SPNS1: variants seen among roughly 807,000 people sequenced by gnomAD.
The protein encoded by SPNS1 is SPNS lysolipid transporter 1, lysophospholipid.
In SPNS1, 22 loss-of-function variants were observed where a neutral mutation model predicts 50.3. That is an observed-to-expected ratio of 0.44 (90% CI 0.31 to 0.62). SPNS1 has a LOEUF of 0.62. Ranked by LOEUF, SPNS1 falls within the 20% of genes least tolerant of loss-of-function variation. SPNS1 has a pLI of 0.07. For synonymous variants in SPNS1, 295 were observed against 317.4 expected (o/e 0.93, Z 0.75); for missense variants, 576 against 728.6 (o/e 0.79, Z 2.41).
chr16:28,977,995 T>C lies in SPNS1; in HGVS notation c.395T>C (p.Ile132Thr). 1 of 1,613,872 alleles carries C rather than the reference T, an allele frequency of 6.2e-7. No individual in the cohort carries two copies. The highest frequency in any genetic ancestry group is 8.5e-7 in the Non-Finnish European group (1 of 1,179,890). Residue 132 changes from isoleucine to threonine, a missense_variant, in exon 3 of 12, where the codon ATT becomes ACT. Physicochemically the swap from Ile to Thr is moderately conservative, Grantham distance 89. Coordinates refer to ENST00000311008, the MANE Select transcript of SPNS1 (RefSeq NM_032038.3). ...CGGAAGTATCTCATGTGCGGGGGCATTGCCTTCTGGTCCCTGGTGACACTG... is the reference window on the plus strand; with the variant it reads ...CGGAAGTATCTCATGTGCGGGGGCACTGCCTTCTGGTCCCTGGTGACACTG... Reference protein sequence around the residue: ...YNRKYLMCGGIAFWSLVTLGS... With the variant: ...YNRKYLMCGGTAFWSLVTLGS...
At chr16:28,978,430 C>A (rs773803533) in intron 3 of SPNS1, 5 of 186,470 alleles carry the variant, frequency 2.7e-5, no homozygotes, top group African/African-American at 9.3e-5. Flanking sequence ...CACTTCCTCA[C>A]GCCTGCTCAC....
chr16:28,976,089 T>C (rs1309962431), intron 2 of SPNS1, among the ~76,000 whole-genome samples: 1 of 152,062 alleles, frequency 6.6e-6, no homozygotes, highest in East Asian at 1.9e-4. Context: ...CTGGTCAACA[T>C]GACGAAACCC....
intron 7 of SPNS1, 130 bp from the exon 8 acceptor site, chr16:28,982,226 A>G (rs1035881192): frequency 7.4e-7 from 1 of 1,356,832 alleles, no homozygotes; most frequent in Non-Finnish European, 1.0e-6. Flanking sequence ...GATGTCTGCC[A>G]CTCAGGGCTG....
rs1469214398 is a variant in SPNS1, at chr16:28,983,065, C to T, written c.1222-127C>T. ...CATCTGTAGCAGACCCCCGGCCTGC[C>T]CTGCGACCTCAACCCCAGGCACACC... is the stretch of plus-strand genomic sequence containing the variant. On this transcript the variant is annotated intron_variant, in intron 9 of 11. Coordinates refer to ENST00000311008, the MANE Select transcript of SPNS1 (RefSeq NM_032038.3). The surrounding 1 kb of genome is among the most constrained non-coding windows in gnomAD (Gnocchi z 5.4). The T allele has an allele frequency of 8.3e-7, 1 of 1,211,722 alleles. No individual in the cohort carries two copies. The highest frequency in any genetic ancestry group is 2.4e-5 in the East Asian group (1 of 40,972). The allele number at this position is 1,211,722 out of a possible 1,614,324, so 75.1% of individuals were successfully genotyped here. A position where few individuals can be genotyped will look rare whatever the true frequency, so the allele number is the denominator to read the frequency against.
chr16:28,975,242 A>G lies in SPNS1; in HGVS notation c.91A>G (p.Thr31Ala). The part of the protein sequence containing the change: ...VPGTPGLPGS[T>A]GNPKSEEPEV... ...TGGCACCCCGGGGTTGCCAGGGTCC[A>G]CGGGGAACCCGAAGTCCGAGGAGCC... The change falls in exon 1 of 12, where the codon ACG (threonine) becomes GCG (alanine). Residue 31 changes from threonine to alanine, a missense_variant. By Grantham distance (58) the Thr-to-Ala change is moderately conservative. Transcript: ENST00000311008. The G allele has an allele frequency of 6.5e-7, 1 of 1,537,178 alleles. No individual in the cohort carries two copies. The highest frequency in any genetic ancestry group is 2.0e-5 in the Admixed American group (1 of 50,384).
chr16:28,981,707 C>G lies in SPNS1; in HGVS notation c.809+92C>G, dbSNP rs1965559257. 6.5e-7 allele frequency: 1 copy of G among 1,549,732 alleles called. No individual in the cohort carries two copies. Among genetic ancestry groups the G allele is most frequent in the Non-Finnish European group, 8.8e-7 (1 of 1,141,484 alleles). On this transcript the variant is annotated intron_variant, in intron 6 of 11. Coordinates refer to ENST00000311008, the MANE Select transcript of SPNS1 (RefSeq NM_032038.3). This position sits in a 1 kb window ranked among gnomAD's most constrained non-coding sequence, Gnocchi z 4.2. ...GGATGTTCCTGTTCCTGGCCACACCCCAAGGCCAGTAATTCGGTCGATACT... is the reference window on the plus strand; with the variant it reads ...GGATGTTCCTGTTCCTGGCCACACCGCAAGGCCAGTAATTCGGTCGATACT...
chr16:28,978,863 G>C, intron 3 of SPNS1: 1 of 359,496 alleles, frequency 2.8e-6, no homozygotes, highest in Non-Finnish European at 5.0e-6. Context: ...TACCAGGCAA[G>C]CAGGGGTTGT....
intron 5 of SPNS1, 51 bp downstream of exon 5, chr16:28,979,522 C>T (rs780658050): frequency 1.9e-6 from 3 of 1,589,944 alleles, no homozygotes; most frequent in African/African-American, 2.7e-5. Context: ...TCACTGATCC[C>T]TGTTTCCTAC....
Position 28,982,481 on chromosome 16 carries a change from T to G in SPNS1, c.1091T>G (p.Leu364Arg), listed in dbSNP as rs994858689. ...ADPLVCATGL[L>R]GSAPFLFLSL... ...CCCCTGGTCTGTGCCACTGGCCTCC[T>G]GGGCTCTGCACCCTTCCTCTTCCTG... is the stretch of plus-strand genomic sequence containing the variant. The change falls in exon 8 of 12, where the codon CTG becomes CGG. Residue 364 changes from leucine (L) to arginine (R), a missense_variant. Around this residue, in one of 3 missense-constraint regions of SPNS1, gnomAD observed 428 missense variants for 520.1 expected, o/e 0.82. Coordinates refer to ENST00000311008, the MANE Select transcript of SPNS1 (RefSeq NM_032038.3). The G allele has an allele frequency of 8.7e-6, 14 of 1,613,884 alleles. No individual in the cohort carries two copies. The highest frequency in any genetic ancestry group is 1.2e-5 in the Non-Finnish European group (14 of 1,179,942).
chr16:28,984,432 C>G lies in SPNS1; in HGVS notation c.*133C>G. The G allele has an allele frequency of 1.1e-6, 1 of 917,520 alleles. No individual in the cohort carries two copies. The highest frequency in any genetic ancestry group is 1.7e-6 in the Non-Finnish European group (1 of 580,728). The allele number at this position is 917,520 out of a possible 1,614,324, so 56.8% of individuals were successfully genotyped here. ...TGGGCCGTGTGCCAGCTCCCAGACA[C>G]TACCTGGGTAGCTCAGGGGAGGAGG... On this transcript the variant is annotated 3_prime_UTR_variant, in exon 12 of 12. Coordinates refer to ENST00000311008, the MANE Select transcript of SPNS1 (RefSeq NM_032038.3).
chr16:28,982,618 C>T (rs923979809), intron 8 of SPNS1, 73 bp downstream of exon 8: 20 of 1,483,822 alleles, frequency 1.3e-5, no homozygotes, highest in African/African-American at 4.2e-5. Context: ...AATGGCCACT[C>T]GAGGTGGAAT....
rs979584619 is a variant in SPNS1 at position 28,984,408 on chromosome 16, G to C, written c.*109G>C. 1.8e-6 allele frequency: 2 copies of C among 1,124,346 alleles called. No individual in the cohort carries two copies. Among genetic ancestry groups the C allele is most frequent in the Non-Finnish European group, 2.6e-6 (2 of 768,326 alleles). The allele number at this position is 1,124,346 out of a possible 1,614,324, so 69.6% of individuals were successfully genotyped here. On this transcript the variant is annotated 3_prime_UTR_variant, in exon 12 of 12. Coordinates refer to ENST00000311008, the MANE Select transcript of SPNS1 (RefSeq NM_032038.3). The stretch of plus-strand genomic sequence containing the variant: ...CTGGCCCAGCTTCCAGAGGGACCCT[G>C]GGCCGTGTGCCAGCTCCCAGACACT...
At chr16:28,982,821 T>C in intron 8 of SPNS1, 36 bp from the exon 9 acceptor site, 1 of 1,610,776 alleles carries the variant, frequency 6.2e-7, no homozygotes, top group Non-Finnish European at 8.5e-7. Flanking sequence ...GTGTTAGCCC[T>C]TACTGTCATG....
intron 5 of SPNS1, 80 bp downstream of exon 5, chr16:28,979,551 C>A: frequency 6.7e-7 from 1 of 1,482,370 alleles, no homozygotes; most frequent in Non-Finnish European, 9.4e-7. Context: ...CCCTTCCCAC[C>A]GCCCATTTTT....
At chr16:28,984,016 G>C (rs761430686) in intron 11 of SPNS1, 59 bp downstream of exon 11, 1 of 1,513,874 alleles carries the variant, frequency 6.6e-7, no homozygotes, top group Non-Finnish European at 8.8e-7. Context: ...CTGTCCATCT[G>C]TCTGCCCACT....
In SPNS1 at chr16:28,979,445, G is replaced by C. The variant is rs771444473; in HGVS notation, c.637G>C (p.Ala213Pro). ...YIAGSKVKDM[A>P]GDWHWALRVT... ...TGCAGGCTCCAAAGTGAAGGATATG[G>C]CTGGAGACTGGCACTGGGCTCTGAG... is the stretch of plus-strand genomic sequence containing the variant. The change falls in exon 5 of 12, where the codon GCT becomes CCT. Residue 213 changes from alanine (A) to proline (P), a missense_variant. Ala to Pro is a conservative substitution (Grantham distance 27, BLOSUM62 -1). This residue lies in a region of SPNS1 where 428 missense variants were observed against 520.1 expected (regional missense o/e 0.82). Transcript: ENST00000311008. 2 of 1,614,124 alleles carry C rather than the reference G, an allele frequency of 1.2e-6. No individual in the cohort carries two copies. Among genetic ancestry groups the C allele is most frequent in the Non-Finnish European group, 1.7e-6 (2 of 1,180,020 alleles).
chr16:28,975,586 G>T (rs1965315202), intron 2 of SPNS1, 29 bp downstream of exon 2: 4 of 1,612,468 alleles, frequency 2.5e-6, no homozygotes, highest in African/African-American at 1.3e-5. Flanking sequence ...TGGTCACACA[G>T]CCGCTCCTCC....
Position 28,977,312 on chromosome 16 carries a change from TAAAAAA to T in SPNS1, c.308-580_308-575del, listed in dbSNP as rs11297402. 1.8e-3 allele frequency among the ~76,000 whole-genome samples: 230 copies of T among 125,672 alleles called. 3 individuals carry two copies. The highest frequency in any genetic ancestry group is 1.4e-3 in the Non-Finnish European group (86 of 61,888). The allele number at this position is 125,672 out of a possible 152,430, so 82.4% of individuals were successfully genotyped here. A position where few individuals can be genotyped will look rare whatever the true frequency, so the allele number is the denominator to read the frequency against. On this transcript the variant is annotated intron_variant, in intron 2 of 11. Coordinates refer to ENST00000311008, the MANE Select transcript of SPNS1 (RefSeq NM_032038.3). ...CCTGACAACAGAGCGAGACTTCGTT[TAAAAAA>T]AAAAAAAAAAAAAAAGAGAAAAAAG...
In SPNS1 at chr16:28,982,487, C is replaced by G; in HGVS notation, c.1097C>G (p.Ser366Cys). ...PLVCATGLLG[S>C]APFLFLSLAC... ...GTCTGTGCCACTGGCCTCCTGGGCT[C>G]TGCACCCTTCCTCTTCCTGTCCCTT... The change falls in exon 8 of 12, where the codon TCT becomes TGT. Residue 366 changes from serine (S) to cysteine (C), a missense_variant. Ser to Cys is a moderately radical substitution (Grantham distance 112). Around this residue, in one of 3 missense-constraint regions of SPNS1, gnomAD observed 428 missense variants for 520.1 expected, o/e 0.82. Transcript: ENST00000311008. 6.2e-7 allele frequency: 1 copy of G among 1,613,790 alleles called. No individual in the cohort carries two copies. The highest frequency in any genetic ancestry group is 2.2e-5 in the East Asian group (1 of 44,870).
Sources: allele counts gnomAD v4.1 joint callset (sites outside exome capture counted in the v4.1 genomes callset), GRCh38; gene constraint gnomAD v4.1.1; regional missense constraint gnomAD v4.1.1; non-coding constraint Gnocchi (gnomAD v3.1); transcripts MANE v1.5; gene names NCBI Gene and HGNC (gene_info 2026-07-23, HGNC 2026-07-21).